Variants in TRPC4 observed in about 807,000 individuals in gnomAD.
TRPC4 encodes transient receptor potential cation channel subfamily C member 4.
TRPC4 carries 49 observed loss-of-function variants against 99.4 expected under a neutral mutation model. That is an observed-to-expected ratio of 0.49 (90% CI 0.39 to 0.63). The LOEUF is 0.63. Ranked by LOEUF, TRPC4 falls within the 20% of genes least tolerant of loss-of-function variation. The probability of loss-of-function intolerance (pLI) is 0.00; values close to 1 mark genes in which losing one functional copy is unlikely to be tolerated. For synonymous variants in TRPC4, 454 were observed against 425.9 expected (o/e 1.07, Z -0.81); for missense variants, 898 against 1,152.9 (o/e 0.78, Z 3.20).
At chr13:37,658,976 A>G (rs533599427) in intron 6 of TRPC4, among the ~76,000 whole-genome samples, 22 of 152,318 alleles carry the variant, frequency 1.4e-4, no homozygotes, top group African/African-American at 4.8e-4. Flanking sequence ...GAATAAGGCC[A>G]TTCTCGAATA....
chr13:37,796,925 C>T (rs1206489000), intron 1 of TRPC4, among the ~76,000 whole-genome samples: 1 of 4,884 alleles, frequency 2.0e-4, no homozygotes, highest in African/African-American at 6.1e-4. Context: ...AAACTCCTCT[C>T]TACAAAAATA....
intron 1 of TRPC4, among the ~76,000 whole-genome samples, chr13:37,811,471 G>A (rs906952104): frequency 2.0e-5 from 3 of 152,140 alleles, no homozygotes. Context: ...GAAAATTCAG[G>A]TGGAGCCTTT....
chr13:37,734,739 C>A (rs75670187), intron 3 of TRPC4, among the ~76,000 whole-genome samples: 2 of 152,104 alleles, frequency 1.3e-5, no homozygotes, highest in Non-Finnish European at 2.9e-5. Flanking sequence ...TGTCCCGGAG[C>A]TGCCTGGGAA....
chr13:37,723,170 C>T (rs1954932513), intron 3 of TRPC4, among the ~76,000 whole-genome samples: 2 of 151,912 alleles, frequency 1.3e-5, no homozygotes, highest in Admixed American at 1.3e-4. Context: ...TAGGGAGGCC[C>T]TTTATAAAAA....
rs967376986 is a variant in TRPC4 at position 37,650,543 on chromosome 13, G to C, written c.2079+722C>G. On this transcript the variant is annotated intron_variant, in intron 8 of 10. Coordinates refer to ENST00000379705, the MANE Select transcript of TRPC4 (RefSeq NM_016179.4). ...CAGTTTACCAGGAGCATGGCTCTGG[G>C]CAGTCCCCGCCCCCTCACCTTTCTC... Among the ~76,000 whole-genome samples, 3 of 151,680 alleles carry C rather than the reference G, an allele frequency of 2.0e-5. No homozygotes were observed. The East Asian group carries it at 5.8e-4, about 30-fold the overall frequency.
chr13:37,686,343 T>C (rs1953478832), intron 4 of TRPC4, among the ~76,000 whole-genome samples: 2 of 152,056 alleles, frequency 1.3e-5, no homozygotes, highest in African/African-American at 2.4e-5. Flanking sequence ...TGTATGTGTA[T>C]ATATGTGTCT....
intron 1 of TRPC4, among the ~76,000 whole-genome samples, chr13:37,803,834 A>T (rs1235146991): frequency 6.6e-6 from 1 of 152,038 alleles, no homozygotes; most frequent in Non-Finnish European, 1.5e-5. Context: ...CCAAGGCTCC[A>T]AGGCTGGAAG....
rs117299145 is a variant in TRPC4 at position 37,653,952 on chromosome 13, G to A, written c.1884+1136C>T. Among the ~76,000 whole-genome samples the A allele has an allele frequency of 6.4e-4, 98 of 152,158 alleles. 1 individual carries two copies. The highest frequency in any genetic ancestry group is 3.4e-3 in the Middle Eastern group (1 of 294). On this transcript the variant is annotated intron_variant, in intron 7 of 10. Transcript: ENST00000379705. ...AGTCTATTTATAAAAATTTCAGATC[G>A]TAAGATGCTTAAATGAAATTCAAAG...
At chr13:37,773,097 T>G (rs912874307) in intron 2 of TRPC4, among the ~76,000 whole-genome samples, 4 of 151,728 alleles carry the variant, frequency 2.6e-5, no homozygotes, top group African/African-American at 9.7e-5. Flanking sequence ...GTCAGGGGCC[T>G]CTGGCTGAAG....
chr13:37,702,360 A>C (rs1045056607), intron 3 of TRPC4, among the ~76,000 whole-genome samples: 2 of 152,174 alleles, frequency 1.3e-5, no homozygotes, highest in African/African-American at 4.8e-5. Flanking sequence ...CATAACATCC[A>C]TAGTTACTCA....
intron 5 of TRPC4, among the ~76,000 whole-genome samples, chr13:37,665,874 G>T (rs2138708593): frequency 6.7e-6 from 1 of 150,114 alleles, no homozygotes; most frequent in East Asian, 2.0e-4. Flanking sequence ...TACATAAGAG[G>T]AAGGTTTTCC....
At chr13:37,728,993 TTGGACCC>T (rs1955157648) in intron 3 of TRPC4, among the ~76,000 whole-genome samples, 1 of 152,054 alleles carries the variant, frequency 6.6e-6, no homozygotes, top group Non-Finnish European at 1.5e-5. Context: ...AAGAATGAAG[TTGGACCC>T]TTGCCATACC....
chr13:37,755,438 A>AT (rs1956073361), intron 2 of TRPC4, among the ~76,000 whole-genome samples: 1 of 130,770 alleles, frequency 7.6e-6, no homozygotes, highest in African/African-American at 2.8e-5. Context: ...TTTATTTTTT[A>AT]TTTTTTTATT....
chr13:37,811,725 G>A (rs540439442), intron 1 of TRPC4, among the ~76,000 whole-genome samples: 1 of 152,120 alleles, frequency 6.6e-6, no homozygotes, highest in Non-Finnish European at 1.5e-5. Flanking sequence ...CAGGGTCAGG[G>A]ACAGTCTATT....
intron 3 of TRPC4, among the ~76,000 whole-genome samples, chr13:37,741,706 C>T (rs889652357): frequency 5.9e-5 from 9 of 152,004 alleles, no homozygotes; most frequent in Admixed American, 1.3e-4. Context: ...TCATTACGGG[C>T]GAGCTGAGTC....
rs1348267799 is a variant in TRPC4 at position 37,636,204 on chromosome 13, G to C, written c.*699C>G. Among the ~76,000 whole-genome samples the C allele has an allele frequency of 6.6e-6, 1 of 151,742 alleles. No homozygotes were observed. The highest frequency in any genetic ancestry group is 1.5e-5 in the Non-Finnish European group (1 of 67,936). On this transcript the variant is annotated 3_prime_UTR_variant, in exon 11 of 11. Coordinates refer to ENST00000379705, the MANE Select transcript of TRPC4 (RefSeq NM_016179.4). ...AAATAGGTAATTAAAAAAACTGGAG[G>C]GGCGAGTTTTTTTCCTGACAAAATG...
rs191222682 is a variant in TRPC4, at chr13:37,752,778, C to T, written c.379-6323G>A. Among the ~76,000 whole-genome samples, 19 of 151,972 alleles carry T rather than the reference C, an allele frequency of 1.3e-4. No individual in the cohort carries two copies. In the East Asian group the frequency reaches 1.7e-3, roughly 14 times the overall value. On this transcript the variant is annotated intron_variant, in intron 2 of 10. Coordinates refer to ENST00000379705, the MANE Select transcript of TRPC4 (RefSeq NM_016179.4). ...ATGTTATGTCCTAGGATTACAGATT[C>T]GCAGGTGCTCAAACAAACAAAAAAA...
At chr13:37,804,214 A>G (rs1957474324) in intron 1 of TRPC4, among the ~76,000 whole-genome samples, 1 of 152,126 alleles carries the variant, frequency 6.6e-6, no homozygotes, top group Non-Finnish European at 1.5e-5. Flanking sequence ...GGTATGTCCT[A>G]GGCACACTGC....
Position 37,636,891 on chromosome 13 carries a change from C to T in TRPC4, c.*12G>A, listed in dbSNP as rs1195911409. ...TACGTATGTGTATGGTAAACGCTTC[C>T]TCCTTCAAGTATCACAATCTTGTGG... On this transcript the variant is annotated 3_prime_UTR_variant, in exon 11 of 11. Coordinates refer to ENST00000379705, the MANE Select transcript of TRPC4 (RefSeq NM_016179.4). The T allele has an allele frequency of 6.2e-7, 1 of 1,601,556 alleles. No homozygotes were observed. Among genetic ancestry groups the T allele is most frequent in the South Asian group, 1.1e-5 (1 of 89,142 alleles).
Sources: gnomAD v4.1 joint callset for allele counts (sites outside exome capture counted in the v4.1 genomes callset) on GRCh38, gnomAD v4.1.1 for gene constraint, MANE v1.5 for transcripts, NCBI Gene and HGNC (gene_info 2026-07-23, HGNC 2026-07-21) for gene names.